Variants in PLCXD3 observed in about 807,000 individuals in gnomAD.
PLCXD3 encodes phosphatidylinositol specific phospholipase C X domain containing 3, also known as PI-PLC X domain-containing protein 3.
In PLCXD3, 19 loss-of-function variants were observed where a neutral mutation model predicts 25.5. The ratio of observed to expected loss-of-function variants is 0.75; its 90% confidence interval spans 0.52 to 1.09. The LOEUF is 1.09. PLCXD3 is among the 50% of genes least tolerant of loss of function. PLCXD3 has a pLI of 0.00. For missense variants in PLCXD3, 411 were observed against 388.1 expected, an observed-to-expected ratio of 1.06 and a Z score of -0.50; for synonymous variants, 174 against 137.6, an observed-to-expected ratio of 1.26 and a Z score of -1.85.
At chr5:41,463,248 T>A (rs1580385477) in intron 1 of PLCXD3, among the ~76,000 whole-genome samples, 2 of 151,974 alleles carry the variant, frequency 1.3e-5, no homozygotes, top group African/African-American at 4.8e-5. Context: ...TAAAAATTTA[T>A]CTCTCACAGT....
chr5:41,490,614 C>A (rs900014724), intron 1 of PLCXD3, among the ~76,000 whole-genome samples: 18 of 152,120 alleles, frequency 1.2e-4, no homozygotes, highest in Non-Finnish European at 1.9e-4. Context: ...ATTTCAGATC[C>A]TGTTATTGGT....
At chr5:41,475,765 C>A in intron 1 of PLCXD3, 1 of 532,980 alleles carries the variant, frequency 1.9e-6, no homozygotes, top group African/African-American at 1.9e-5. Flanking sequence ...TTGAGACCAT[C>A]ATTACAGCAG....
At chr5:41,313,922 G>T (rs1743214859) in intron 2 of PLCXD3, 152 bp from the exon 3 acceptor site, 3 of 874,906 alleles carry the variant, frequency 3.4e-6, no homozygotes, top group East Asian at 2.8e-5. Context: ...GGACTCTGGG[G>T]ATTTTTTAAC....
At chr5:41,325,083 C>T (rs1053966790) in intron 2 of PLCXD3, among the ~76,000 whole-genome samples, 7 of 152,144 alleles carry the variant, frequency 4.6e-5, no homozygotes, top group African/African-American at 1.4e-4. Context: ...GTTATCCCCA[C>T]GGAGAGGTTA....
At chr5:41,474,623 T>G (rs1748239734) in intron 1 of PLCXD3, among the ~76,000 whole-genome samples, 1 of 152,160 alleles carries the variant, frequency 6.6e-6, no homozygotes, top group Admixed American at 6.5e-5. Flanking sequence ...AATCCCTGAT[T>G]CTCTCACTTC....
rs187571821 is a variant in PLCXD3 at position 41,356,045 on chromosome 5, G to A, written c.812+25781C>T. On this transcript the variant is annotated intron_variant, in intron 2 of 2. Transcript: ENST00000377801. Reference sequence around the variant, plus strand: ...ATTGGGAGGCTGAGGTGTGTGGATCGCCTGAGGTCAGGAGTTCGAGACCAG... The same window carrying A: ...ATTGGGAGGCTGAGGTGTGTGGATCACCTGAGGTCAGGAGTTCGAGACCAG... 2.5e-3 allele frequency among the ~76,000 whole-genome samples: 377 copies of A among 149,336 alleles called. 2 individuals are homozygous for A. The highest frequency in any genetic ancestry group is 8.2e-3 in the African/African-American group (332 of 40,648).
chr5:41,417,851 A>G (rs887578220), intron 1 of PLCXD3, among the ~76,000 whole-genome samples: 5 of 152,222 alleles, frequency 3.3e-5, no homozygotes, highest in African/African-American at 9.6e-5. Flanking sequence ...GGGGGTGTCT[A>G]TGTTGGACTG....
rs1743030108 is a variant in PLCXD3 at position 41,307,475 on chromosome 5, T to C, written c.*6142A>G. 1 of 152,460 alleles carries C rather than the reference T, an allele frequency of 6.6e-6. No homozygotes were observed. Among genetic ancestry groups the C allele is most frequent in the Admixed American group, 6.6e-5 (1 of 15,262 alleles). The allele number at this position is 152,460 out of a possible 1,614,324, so 9.4% of individuals were successfully genotyped here. ...AACCAGCCTTTGATCTCACTGTTCT[T>C]ATTTTAGGGCTTCTTGGGTTTTCAA... On this transcript the variant is annotated 3_prime_UTR_variant, in exon 3 of 3. Transcript: ENST00000377801.
At chr5:41,405,906 T>A (rs1045043820) in intron 1 of PLCXD3, among the ~76,000 whole-genome samples, 1 of 152,142 alleles carries the variant, frequency 6.6e-6, no homozygotes, top group African/African-American at 2.4e-5. Flanking sequence ...TTGCAACTCA[T>A]ATAAAACCCC....
chr5:41,487,012 A>G (rs1433990095), intron 1 of PLCXD3, among the ~76,000 whole-genome samples: 2 of 151,108 alleles, frequency 1.3e-5, no homozygotes, highest in Non-Finnish European at 3.0e-5. Context: ...GCGAATTTAA[A>G]AACCAAAGCA....
At chr5:41,399,663 C>A (rs940359865) in intron 1 of PLCXD3, among the ~76,000 whole-genome samples, 2 of 151,940 alleles carry the variant, frequency 1.3e-5, no homozygotes, top group Non-Finnish European at 2.9e-5. Context: ...TGAAACTAGA[C>A]CCTGTCTATT....
intron 1 of PLCXD3, among the ~76,000 whole-genome samples, chr5:41,414,775 G>T (rs1328645697): frequency 6.6e-6 from 1 of 152,152 alleles, no homozygotes; most frequent in East Asian, 1.9e-4. Context: ...TGTCCTGCCA[G>T]GGACATGAGT....
intron 2 of PLCXD3, among the ~76,000 whole-genome samples, chr5:41,318,444 TG>T (rs1441073400): frequency 6.6e-6 from 1 of 152,038 alleles, no homozygotes; most frequent in Non-Finnish European, 1.5e-5. Context: ...TGTTTAAAAG[TG>T]GGGGGATGAA....
chr5:41,489,446 G>T (rs1748600610), intron 1 of PLCXD3, among the ~76,000 whole-genome samples: 1 of 152,120 alleles, frequency 6.6e-6, no homozygotes. Context: ...CTTTAAAGTA[G>T]TTTTTTCCAA....
At chr5:41,446,351 T>A (rs1398607036) in intron 1 of PLCXD3, among the ~76,000 whole-genome samples, 1 of 151,900 alleles carries the variant, frequency 6.6e-6, no homozygotes, top group Non-Finnish European at 1.5e-5. Context: ...CCAATCACAT[T>A]CATACCAAAG....
chr5:41,407,704 A>G (rs1746393505), intron 1 of PLCXD3, among the ~76,000 whole-genome samples: 1 of 152,228 alleles, frequency 6.6e-6, no homozygotes, highest in Non-Finnish European at 1.5e-5. Flanking sequence ...TAATATGTGT[A>G]TTTCACTTGA....
At chr5:41,420,717 T>G (rs185025047) in intron 1 of PLCXD3, among the ~76,000 whole-genome samples, 22 of 152,320 alleles carry the variant, frequency 1.4e-4, no homozygotes, top group Non-Finnish European at 2.8e-4. Context: ...GGCAGGATAA[T>G]TGTATACAAT....
intron 2 of PLCXD3, among the ~76,000 whole-genome samples, chr5:41,330,927 G>A (rs371029813): frequency 0.014 from 2,159 of 152,248 alleles, 44 homozygotes; most frequent in Middle Eastern, 0.068. Context: ...AATAAATTAG[G>A]TATTGATGGG....
intron 1 of PLCXD3, among the ~76,000 whole-genome samples, chr5:41,413,973 A>T (rs1210343625): frequency 6.6e-6 from 1 of 152,184 alleles, no homozygotes; most frequent in African/African-American, 2.4e-5. Flanking sequence ...GCCAGACCTG[A>T]AGCCTTGGAG....
Sources: gnomAD v4.1 joint callset for allele counts (sites outside exome capture counted in the v4.1 genomes callset) on GRCh38, gnomAD v4.1.1 for gene constraint, MANE v1.5 for transcripts, NCBI Gene and HGNC (gene_info 2026-07-23, HGNC 2026-07-21) for gene names.